Variants in RYR3 observed in about 807,000 individuals in gnomAD.
RYR3 encodes the protein brain ryanodine receptor-calcium release channel.
In RYR3, 207 loss-of-function variants were observed where a neutral mutation model predicts 584.3. That is an observed-to-expected ratio of 0.35 (90% CI 0.32 to 0.40). The LOEUF (loss-of-function observed/expected upper bound fraction) is 0.40, where lower values mean the gene tolerates loss of function less well. Ranked by LOEUF, RYR3 falls within the 10% of genes least tolerant of loss-of-function variation. The pLI is 1.00. For synonymous variants in RYR3, 2,416 were observed against 2,248.5 expected (o/e 1.07, Z -2.11); for missense variants, 5,616 against 6,089.2 (o/e 0.92, Z 2.59).
At chr15:33,388,561 G>A (rs191700739) in intron 1 of RYR3, among the ~76,000 whole-genome samples, 10 of 152,194 alleles carry the variant, frequency 6.6e-5, no homozygotes, top group Non-Finnish European at 1.2e-4. Flanking sequence ...TACAAACATT[G>A]CAAGAATGAA....
At chr15:33,400,958 A>G (rs756439019) in intron 1 of RYR3, among the ~76,000 whole-genome samples, 1 of 152,204 alleles carries the variant, frequency 6.6e-6, no homozygotes, top group Non-Finnish European at 1.5e-5. Flanking sequence ...TTGCAATACA[A>G]CAGCTTGCCT....
At chr15:33,610,263 A>C (rs2060114694) in intron 18 of RYR3, among the ~76,000 whole-genome samples, 1 of 152,172 alleles carries the variant, frequency 6.6e-6, no homozygotes, top group Non-Finnish European at 1.5e-5. Context: ...TCATTTCTCT[A>C]GAGACCTTTA....
At chr15:33,532,363 A>C (rs1026734313) in intron 4 of RYR3, among the ~76,000 whole-genome samples, 1 of 152,148 alleles carries the variant, frequency 6.6e-6, no homozygotes, top group African/African-American at 2.4e-5. Flanking sequence ...TGAAAAACCA[A>C]AAACAGAAGG....
intron 1 of RYR3, among the ~76,000 whole-genome samples, chr15:33,420,725 C>G (rs1255506999): frequency 6.6e-6 from 1 of 151,922 alleles, no homozygotes; most frequent in African/African-American, 2.4e-5. Flanking sequence ...GTTTATTTGT[C>G]TAGTTCTTTG....
At chr15:33,500,988 G>A (rs536978036) in intron 2 of RYR3, among the ~76,000 whole-genome samples, 1 of 152,130 alleles carries the variant, frequency 6.6e-6, no homozygotes, top group East Asian at 1.9e-4. Context: ...GGTGCTGTTG[G>A]AGTGGCATGC....
chr15:33,829,230 C>T (rs2077536382), intron 85 of RYR3, among the ~76,000 whole-genome samples: 2 of 152,084 alleles, frequency 1.3e-5, no homozygotes, highest in Admixed American at 6.5e-5. Context: ...GTTCCAAGAG[C>T]TCTGATGGAG....
Position 33,520,428 on chromosome 15 carries a change from C to T in RYR3, c.280-10164C>T, listed in dbSNP as rs141625385. The stretch of plus-strand genomic sequence containing the variant: ...ATATTGACCCTTTGTGGTCACTGGT[C>T]CACTGTTTCATCTGAAGCCTGATGA... On this transcript the variant is annotated intron_variant, in intron 3 of 103. Transcript: ENST00000634891. Among the ~76,000 whole-genome samples, 460 of 152,194 alleles carry T rather than the reference C, an allele frequency of 3.0e-3. 4 individuals carry two copies. Among genetic ancestry groups the T allele is most frequent in the African/African-American group, 0.011 (446 of 41,512 alleles).
chr15:33,738,464 C>T lies in RYR3; in HGVS notation c.7530C>T (p.His2510=), dbSNP rs375572775. The T allele has an allele frequency of 1.4e-5, 23 of 1,613,582 alleles. No homozygotes were observed. The highest frequency in any genetic ancestry group is 1.6e-4 in the Middle Eastern group (1 of 6,082). ...CKMPLKLLTN[H]YEQCWKYYCL... ...GCACCTCCCAGCTTCTGACGAATCA[C>T]TATGAACAGTGTTGGAAGTATTACT... The change falls in exon 50 of 104, where the codon CAC becomes CAT. Residue 2510 remains histidine (H), a synonymous_variant. Transcript: ENST00000634891.
rs946782158 is a variant in RYR3 at position 33,669,356 on chromosome 15, C to T, written c.5622C>T (p.Ile1874=). ...TATTCTTCTCTTGCCTCTCAAAGATCAACATGCTGCTTAACTTTCAACTGG... is the reference window on the plus strand; with the variant it reads ...TATTCTTCTCTTGCCTCTCAAAGATTAACATGCTGCTTAACTTTCAACTGG... ...KEFRSPPQEQ[I]NMLLNFQLGE... Residue 1874 remains isoleucine (I), a splice_region_variant and synonymous_variant, in exon 37 of 104, where the codon ATC becomes ATT. Transcript: ENST00000634891. The T allele has an allele frequency of 4.3e-6, 7 of 1,613,766 alleles. No individual in the cohort carries two copies. In the Admixed American group the frequency reaches 1.0e-4, roughly 23 times the overall value.
intron 36 of RYR3, among the ~76,000 whole-genome samples, chr15:33,664,614 T>TATATATATATATATAC (rs1491296584): frequency 0.029 from 3,417 of 119,608 alleles, 123 homozygotes; most frequent in Non-Finnish European, 0.04. Context: ...TATATATATA[T>TATATATATATATATAC]ACGTATGTAT....
At chr15:33,482,713 C>T (rs1454949406) in intron 2 of RYR3, among the ~76,000 whole-genome samples, 7 of 152,162 alleles carry the variant, frequency 4.6e-5, no homozygotes, top group Non-Finnish European at 7.3e-5. Context: ...GTCACTGTGC[C>T]CAGTCAGGTT....
intron 3 of RYR3, among the ~76,000 whole-genome samples, chr15:33,505,349 G>A (rs1421647606): frequency 6.6e-6 from 1 of 152,150 alleles, no homozygotes; most frequent in Non-Finnish European, 1.5e-5. Context: ...ACTGAGAATA[G>A]TTTGCTTTGT....
intron 30 of RYR3, 120 bp from the exon 31 acceptor site, chr15:33,648,952 T>C: frequency 1.1e-6 from 1 of 944,950 alleles, no homozygotes; most frequent in South Asian, 1.8e-5. Context: ...AGTGTGCACT[T>C]TTCCAGAAAA....
chr15:33,391,354 G>T (rs1474544876), intron 1 of RYR3, among the ~76,000 whole-genome samples: 1 of 152,142 alleles, frequency 6.6e-6, no homozygotes, highest in Non-Finnish European at 1.5e-5. Context: ...TGGGCCAGGT[G>T]CGGTGGCTCA....
chr15:33,857,812 G>A lies in RYR3; in HGVS notation c.14040G>A (p.Val4680=). 2 of 1,614,152 alleles carry A rather than the reference G, an allele frequency of 1.2e-6. No individual in the cohort carries two copies. The highest frequency in any genetic ancestry group is 4.5e-5 in the East Asian group (2 of 44,874). The change falls in exon 99 of 104, where the codon GTG becomes GTA. Residue 4680 remains valine, a synonymous_variant. Transcript: ENST00000634891. ...LVLTVGLLAV[V]VYLYTVVAFN... is the part of the protein sequence containing the mutation. ...TGACTGTCGGTCTCCTGGCCGTGGT[G>A]GTTTATCTCTATACTGTGGTGGCTT...
Position 33,414,490 on chromosome 15 carries a change from G to C in RYR3, c.52-58929G>C, listed in dbSNP as rs192753913. ...AAAACAACTCTGGCTCCCAGACCAA[G>C]AAAGACAGCTTCCTCAACATTTTGG... is the stretch of plus-strand genomic sequence containing the variant. On this transcript the variant is annotated intron_variant, in intron 1 of 103. Coordinates refer to ENST00000634891, the MANE Select transcript of RYR3 (RefSeq NM_001036.6). Among the ~76,000 whole-genome samples, 8 of 152,328 alleles carry C rather than the reference G, an allele frequency of 5.3e-5. No homozygotes were observed. The East Asian group carries it at 1.3e-3, about 26-fold the overall frequency.
At chr15:33,710,745 T>C (rs1322139969) in intron 43 of RYR3, among the ~76,000 whole-genome samples, 1 of 152,240 alleles carries the variant, frequency 6.6e-6, no homozygotes, top group Non-Finnish European at 1.5e-5. Flanking sequence ...ACCTACAGGC[T>C]TAACACTACA....
chr15:33,470,137 A>G (rs1290699011), intron 1 of RYR3, among the ~76,000 whole-genome samples: 2 of 152,176 alleles, frequency 1.3e-5, no homozygotes, highest in African/African-American at 4.8e-5. Flanking sequence ...GTATTTCCCG[A>G]TGACTAAAGA....
chr15:33,552,968 A>G (rs1448058527), intron 10 of RYR3, among the ~76,000 whole-genome samples: 1 of 152,082 alleles, frequency 6.6e-6, no homozygotes, highest in Non-Finnish European at 1.5e-5. Context: ...TTTCTCAACA[A>G]TGTAAGGGCA....
Sources: gnomAD v4.1 joint callset for allele counts (sites outside exome capture counted in the v4.1 genomes callset) on GRCh38, gnomAD v4.1.1 for gene constraint, MANE v1.5 for transcripts, NCBI Gene and HGNC (gene_info 2026-07-23, HGNC 2026-07-21) for gene names.